The following CDC20B variants were observed in gnomAD, a reference collection of about 807,000 sequenced individuals.
The protein encoded by CDC20B is cell division cycle 20B.
A neutral mutation model predicts 64.1 loss-of-function variants in CDC20B; 58 were observed. The observed-to-expected ratio is 0.90, with a 90% confidence interval of 0.73 to 1.13. CDC20B has a LOEUF of 1.13. Ranked by LOEUF, CDC20B falls within the 50% of genes most tolerant of loss-of-function variation. The pLI is 0.00. For missense variants in CDC20B, 597 were observed against 633.0 expected, an observed-to-expected ratio of 0.94 and a Z score of 0.61; for synonymous variants, 243 against 230.6, an observed-to-expected ratio of 1.05 and a Z score of -0.49.
rs750183407 is a variant in CDC20B, at chr5:55,146,654, G to A, written c.329C>T (p.Pro110Leu). 1.1e-5 allele frequency: 17 copies of A among 1,613,838 alleles called. No individual in the cohort carries two copies. The highest frequency in any genetic ancestry group is 2.2e-5 in the East Asian group (1 of 44,892). Reference protein sequence around the residue: ...PEASGSVLKTPPEKETLTLGS... With the variant: ...PEASGSVLKTLPEKETLTLGS... ...TAGAGTCAAGGTCTCTTTCTCAGGC[G>A]GTGTCTTCAGCACTGATCCGGAAGC... Residue 110 changes from proline (P) to leucine (L), a missense_variant, in exon 3 of 12, where the codon CCG becomes CTG. By Grantham distance (98) the Pro-to-Leu change is moderately conservative. This residue lies in a region of CDC20B where 241 missense variants were observed against 219.2 expected (regional missense o/e 1.10). Transcript: ENST00000381375.
At chr5:55,128,114 A>C (rs1742938992) in intron 7 of CDC20B, among the ~76,000 whole-genome samples, 1 of 152,164 alleles carries the variant, frequency 6.6e-6, no homozygotes, top group African/African-American at 2.4e-5. Context: ...GAGAACTGAA[A>C]GTATCTTCCT....
chr5:55,169,366 T>C (rs2111613567), intron 2 of CDC20B, among the ~76,000 whole-genome samples: 2 of 152,348 alleles, frequency 1.3e-5, no homozygotes, highest in East Asian at 3.9e-4. Context: ...ATATTTCTTA[T>C]ATCTCATCTA....
intron 2 of CDC20B, among the ~76,000 whole-genome samples, chr5:55,153,217 C>T (rs1267175037): frequency 5.1e-5 from 6 of 117,892 alleles, no homozygotes; most frequent in South Asian, 2.7e-4. Flanking sequence ...CCAACCTGGG[C>T]GATATAGCCA....
In CDC20B at chr5:55,114,037, G is replaced by A. The variant is rs1742567445; in HGVS notation, c.*181C>T. On this transcript the variant is annotated 3_prime_UTR_variant, in exon 12 of 12. Coordinates refer to ENST00000381375, the MANE Select transcript of CDC20B (RefSeq NM_001170402.1). This position sits in a 1 kb window ranked among gnomAD's most constrained non-coding sequence, Gnocchi z 4.1. ...GAAGAAAGCAGAGAAGAAAAGAAGC[G>A]GATCTCTGGGAAGCAGAGCAAGTAA... 17 of 1,088,044 alleles carry A rather than the reference G, an allele frequency of 1.6e-5. No individual in the cohort carries two copies. Among genetic ancestry groups the A allele is most frequent in the Admixed American group, 3.3e-5 (1 of 30,642 alleles). 67.4% of individuals were successfully genotyped at this position (1,088,044 alleles called of 1,614,324 possible).
chr5:55,164,416 T>G, intron 2 of CDC20B: 1 of 360,272 alleles, frequency 2.8e-6, no homozygotes, highest in Non-Finnish European at 4.9e-6. Context: ...TTTTTAATGT[T>G]ATCTTGCTAT....
At chr5:55,170,462 G>A in intron 2 of CDC20B, 1 of 505,512 alleles carries the variant, frequency 2.0e-6, no homozygotes, top group South Asian at 1.5e-5. Flanking sequence ...GTAAATAGTG[G>A]CTTGCTTCAT....
chr5:55,121,175 T>C (rs538600596), intron 9 of CDC20B, among the ~76,000 whole-genome samples: 3 of 152,312 alleles, frequency 2.0e-5, no homozygotes, highest in African/African-American at 7.2e-5. Context: ...TTTTAACAAA[T>C]ACTACAGTTA....
chr5:55,130,205 CA>C (rs1273045033), intron 6 of CDC20B, among the ~76,000 whole-genome samples: 1 of 151,998 alleles, frequency 6.6e-6, no homozygotes, highest in Non-Finnish European at 1.5e-5. Flanking sequence ...ACAAAAACCA[CA>C]AAATACAAAC....
intron 2 of CDC20B, among the ~76,000 whole-genome samples, chr5:55,159,923 G>A (rs1243752954): frequency 3.9e-5 from 6 of 152,184 alleles, no homozygotes; most frequent in Non-Finnish European, 8.8e-5. Flanking sequence ...TATTTTCTTT[G>A]TAGGGAGAAT....
chr5:55,132,834 T>C (rs893150926), intron 6 of CDC20B, among the ~76,000 whole-genome samples: 1 of 152,234 alleles, frequency 6.6e-6, no homozygotes, highest in Non-Finnish European at 1.5e-5. Context: ...TTCTTCATGC[T>C]GTTAACAATA....
intron 5 of CDC20B, among the ~76,000 whole-genome samples, chr5:55,134,259 T>C (rs537884553): frequency 6.6e-6 from 1 of 152,240 alleles, no homozygotes; most frequent in South Asian, 2.1e-4. Flanking sequence ...TGACTTGTGG[T>C]GTCTATGACC....
chr5:55,147,195 A>C (rs1381572345), intron 2 of CDC20B, among the ~76,000 whole-genome samples: 1 of 111,586 alleles, frequency 9.0e-6, no homozygotes, highest in East Asian at 2.3e-4. Context: ...TTTATATATT[A>C]TATAAACATA....
At chr5:55,128,398 G>GAAAAAA in intron 7 of CDC20B, 23 bp downstream of exon 7, 1 of 1,263,566 alleles carries the variant, frequency 7.9e-7, no homozygotes, top group Admixed American at 2.7e-5. Context: ...AACATGATGA[G>GAAAAAA]AAAAAAAAAA....
intron 2 of CDC20B, among the ~76,000 whole-genome samples, chr5:55,156,079 C>T (rs1367036440): frequency 1.3e-5 from 2 of 152,214 alleles, no homozygotes; most frequent in East Asian, 1.9e-4. Context: ...TCCTCACAAT[C>T]ATGGCAGAAG....
intron 11 of CDC20B, among the ~76,000 whole-genome samples, chr5:55,119,448 G>A (rs769414632): frequency 7.2e-5 from 11 of 152,142 alleles, no homozygotes; most frequent in Non-Finnish European, 1.5e-4. Flanking sequence ...ATAATGTCTT[G>A]CCCTTTCAGA....
chr5:55,162,898 A>G (rs1389516959), intron 2 of CDC20B, among the ~76,000 whole-genome samples: 4 of 152,242 alleles, frequency 2.6e-5, no homozygotes, highest in Non-Finnish European at 5.9e-5. Context: ...CCAAAGGTTA[A>G]GAGCATGAGC....
At position 55,124,887 on chromosome 5, in the gene CDC20B, T is replaced by C; in HGVS notation, c.1131A>G (p.Gly377=). The change falls in exon 9 of 12, where the codon GGA becomes GGG. Residue 377 remains glycine (G), a synonymous_variant. Transcript: ENST00000381375. ...GRLLSSGCSD[G]LLTIWPHDPG... is the part of the protein sequence containing the mutation. ...GATCGTGGGGCCATATTGTCAGCAG[T>C]CCATCACTGCAGCCGCTGGAAAGCA... 4 of 1,614,190 alleles carry C rather than the reference T, an allele frequency of 2.5e-6. No homozygotes were observed. The highest frequency in any genetic ancestry group is 3.4e-6 in the Non-Finnish European group (4 of 1,180,022).
At chr5:55,115,847 C>A (rs1044744584) in intron 11 of CDC20B, among the ~76,000 whole-genome samples, 9 of 152,206 alleles carry the variant, frequency 5.9e-5, no homozygotes, top group African/African-American at 1.9e-4. Flanking sequence ...TCCCAACACT[C>A]TCCTTTGTGC....
chr5:55,142,135 G>A (rs1384329170), intron 4 of CDC20B, among the ~76,000 whole-genome samples: 2 of 152,048 alleles, frequency 1.3e-5, no homozygotes, highest in Admixed American at 6.5e-5. Flanking sequence ...AGATGAGATC[G>A]ACTTACTACT....
Sources: gnomAD v4.1 joint callset for allele counts (sites outside exome capture counted in the v4.1 genomes callset) on GRCh38, gnomAD v4.1.1 for gene constraint, gnomAD v4.1.1 regional missense constraint, Gnocchi (gnomAD v3.1) non-coding constraint, MANE v1.5 for transcripts, NCBI Gene and HGNC (gene_info 2026-07-23, HGNC 2026-07-21) for gene names.